The following AGO1 variants were observed in gnomAD, a reference collection of about 807,000 sequenced individuals.
AGO1 encodes protein argonaute-1.
In AGO1, 11 loss-of-function variants were observed where a neutral mutation model predicts 109.2. The ratio of observed to expected loss-of-function variants is 0.10; its 90% CI spans 0.06 to 0.17. The LOEUF (loss-of-function observed/expected upper bound fraction) is 0.17. AGO1 is among the 10% of genes least tolerant of loss of function. The pLI, the probability that AGO1 is intolerant of heterozygous loss-of-function variation, is 1.00. For missense variants in AGO1, 574 were observed against 1,140.3 expected (o/e 0.50, Z 7.15); for synonymous variants, 422 against 418.6 (o/e 1.01, Z -0.10).
At chr1:35,915,598 C>T in intron 15 of AGO1, 56 bp downstream of exon 15, 1 of 1,515,382 alleles carries the variant, frequency 6.6e-7, no homozygotes, top group South Asian at 1.2e-5. Flanking sequence ...AAGCTAGGTG[C>T]TACTACCTTT....
chr1:35,896,366 A>G (rs1645319047), intron 8 of AGO1, among the ~76,000 whole-genome samples: 1 of 150,342 alleles, frequency 6.7e-6, no homozygotes, highest in East Asian at 2.0e-4. Flanking sequence ...GTACTAGACT[A>G]CCCTCTTTTT....
At chr1:35,906,402 G>T (rs2148718542) in intron 11 of AGO1, among the ~76,000 whole-genome samples, 1 of 152,242 alleles carries the variant, frequency 6.6e-6, no homozygotes, top group South Asian at 2.1e-4. Context: ...CCCTTTTCTG[G>T]GCTTCCTCGT....
In AGO1 at chr1:35,875,425, A is replaced by T. The variant is rs566110170; in HGVS notation, c.-201+5522A>T. Among the ~76,000 whole-genome samples the T allele has an allele frequency of 1.7e-3, 254 of 150,362 alleles. 3 individuals carry two copies. Among genetic ancestry groups the T allele is most frequent in the African/African-American group, 5.4e-3 (222 of 40,822 alleles). On this transcript the variant is annotated intron_variant, in intron 1 of 18. Coordinates refer to the AGO1 transcript ENST00000373206. ...GCATGGTTTACTGATTTATTTATTTATTTTTTGAGACAAAGTCTCGCTTTG... is the reference window on the plus strand; with the variant it reads ...GCATGGTTTACTGATTTATTTATTTTTTTTTTGAGACAAAGTCTCGCTTTG...
Position 35,907,130 on chromosome 1 carries a change from C to G in AGO1, c.1582+11C>G, listed in dbSNP as rs144060471. ...AGACGCCGGTGTATGGTACAGTTCT[C>G]TTGGGACAGTGATAATGGTGATAGG... is the stretch of plus-strand genomic sequence containing the variant. On this transcript the variant is annotated intron_variant, in intron 12 of 18. Coordinates refer to ENST00000373204, the MANE Select transcript of AGO1 (RefSeq NM_012199.5). 3.5e-5 allele frequency: 56 copies of G among 1,603,920 alleles called. No individual in the cohort carries two copies. In the East Asian group the frequency reaches 1.2e-3, roughly 35 times the overall value.
At chr1:35,896,758 T>G (rs181692555) in intron 8 of AGO1, among the ~76,000 whole-genome samples, 61 of 152,304 alleles carry the variant, frequency 4.0e-4, no homozygotes, top group African/African-American at 1.4e-3. Context: ...CTGAGGGAGT[T>G]AGGCTGAAGG....
chr1:35,888,789 A>G lies in AGO1; in HGVS notation c.209+179A>G, dbSNP rs1442937450. On this transcript the variant is annotated intron_variant, in intron 2 of 18. Transcript: ENST00000373204. This position sits in a 1 kb window ranked among gnomAD's most constrained non-coding sequence, Gnocchi z 4.1. ...AGTCCAATTGGACTTCGCTATTGGA[A>G]GATTATTAGTGGCTTTTGCCAGAGC... Among the ~76,000 whole-genome samples the G allele has an allele frequency of 6.6e-6, 1 of 152,264 alleles. No individual in the cohort carries two copies. The highest frequency in any genetic ancestry group is 2.4e-5 in the African/African-American group (1 of 41,478).
At chr1:35,909,696 T>A (rs1373383194) in intron 12 of AGO1, among the ~76,000 whole-genome samples, 1 of 152,228 alleles carries the variant, frequency 6.6e-6, no homozygotes, top group Non-Finnish European at 1.5e-5. Flanking sequence ...CTTGATACTT[T>A]GTTGTGGAGT....
chr1:35,906,532 G>C (rs1645522479), intron 11 of AGO1, among the ~76,000 whole-genome samples: 2 of 152,112 alleles, frequency 1.3e-5, no homozygotes, highest in Non-Finnish European at 2.9e-5. Flanking sequence ...GTGTTAGCTG[G>C]GTGCGGTGGC....
chr1:35,915,530 C>T lies in AGO1; in HGVS notation c.2016C>T (p.Gly672=). ...TCTACCGAGATGGGGTGCCTGAAGG[C>T]CAGCTACCCCAGGTAGGGCCCACAG... ...IIFYRDGVPE[G]QLPQILHYEL... Residue 672 remains glycine (G), a synonymous_variant, in exon 15 of 19, where the codon GGC becomes GGT. Transcript: ENST00000373204. The T allele has an allele frequency of 6.2e-7, 1 of 1,613,824 alleles. No individual in the cohort carries two copies. Among genetic ancestry groups the T allele is most frequent in the East Asian group, 2.2e-5 (1 of 44,884 alleles).
Position 35,893,919 on chromosome 1 carries a change from C to A in AGO1, c.649+109C>A. ...ACACTCCTAGTCTAATTCCTACAGC[C>A]CTGGCACCCCCTTCCCCCATCCCAA... On this transcript the variant is annotated intron_variant, in intron 5 of 18. Coordinates refer to ENST00000373204, the MANE Select transcript of AGO1 (RefSeq NM_012199.5). The surrounding 1 kb of genome is among the most constrained non-coding windows in gnomAD (Gnocchi z 5.6). The A allele has an allele frequency of 6.5e-7, 1 of 1,527,278 alleles. No individual in the cohort carries two copies. Among genetic ancestry groups the A allele is most frequent in the South Asian group, 1.3e-5 (1 of 79,316 alleles). 94.6% of individuals were successfully genotyped at this position (1,527,278 alleles called of 1,614,324 possible). A position where few individuals can be genotyped will look rare whatever the true frequency, so the allele number is the denominator to read the frequency against.
At chr1:35,872,209 G>A (rs1397174044) in intron 1 of AGO1, among the ~76,000 whole-genome samples, 5 of 141,522 alleles carry the variant, frequency 3.5e-5, no homozygotes, top group African/African-American at 1.0e-4. Context: ...TTTTTGAGAC[G>A]GAGTCTCGCT....
chr1:35,907,254 T>C (rs979973744), intron 12 of AGO1, 135 bp downstream of exon 12: 5 of 741,070 alleles, frequency 6.7e-6, no homozygotes, highest in Admixed American at 3.3e-5. Flanking sequence ...GCTCCTCTTA[T>C]AGGAGAAATA....
At chr1:35,918,542 GTTTGTTCTGT>G in intron 17 of AGO1, 119 bp downstream of exon 17, 1 of 908,184 alleles carries the variant, frequency 1.1e-6, no homozygotes, top group Non-Finnish European at 1.8e-6. Flanking sequence ...TCTCTTTTCT[GTTTGTTCTGT>G]TTTGTTTTGT....
Position 35,921,283 on chromosome 1 carries a change from CTTTTTTTTT to C in AGO1, c.*1688_*1696del, listed in dbSNP as rs34158936. On this transcript the variant is annotated 3_prime_UTR_variant, in exon 19 of 19. Transcript: ENST00000373204. Reference sequence around the variant, plus strand: ...AGGGCATGTGGGTGGGTGGCATGGACTTTTTTTTTTTTTTTTTTTTGTCTTGAGACATGG... The same window carrying C: ...AGGGCATGTGGGTGGGTGGCATGGACTTTTTTTTTTTGTCTTGAGACATGG... The C allele has an allele frequency of 1.5e-4, 17 of 113,860 alleles. No individual in the cohort carries two copies. Among genetic ancestry groups the C allele is most frequent in the East Asian group, 8.3e-4 (3 of 3,600 alleles). The allele number at this position is 113,860 out of a possible 1,614,324, so 7.1% of individuals were successfully genotyped here. A position where few individuals can be genotyped will look rare whatever the true frequency, so the allele number is the denominator to read the frequency against.
chr1:35,871,039 C>T (rs1644945607), intron 1 of AGO1, among the ~76,000 whole-genome samples: 2 of 152,156 alleles, frequency 1.3e-5, no homozygotes, highest in Admixed American at 6.5e-5. Context: ...CTGCTAAGAA[C>T]ATTCTTGTGC....
rs1553154069 is a variant in AGO1, at chr1:35,893,727, C to T, written c.566C>T (p.Pro189Leu). 2 of 1,614,010 alleles carry T rather than the reference C, an allele frequency of 1.2e-6. No individual in the cohort carries two copies. Among genetic ancestry groups the T allele is most frequent in the Non-Finnish European group, 1.7e-6 (2 of 1,179,958 alleles). The stretch of plus-strand genomic sequence containing the variant: ...TCACCGCCTGAGGGCTACTACCACC[C>T]GCTGGGGGGTGGGCGCGAGGTCTGG... Reference protein sequence around the residue: ...FFSPPEGYYHPLGGGREVWFG... With the variant: ...FFSPPEGYYHLLGGGREVWFG... Residue 189 changes from proline to leucine, a missense_variant, in exon 5 of 19, where the codon CCG becomes CTG. By Grantham distance (98) the Pro-to-Leu change is moderately conservative. This residue lies in a region of AGO1 where 129 missense variants were observed against 243.0 expected (regional missense o/e 0.53). Transcript: ENST00000373204. The surrounding 1 kb of genome is among the most constrained non-coding windows in gnomAD (Gnocchi z 5.6).
At position 35,919,351 on chromosome 1, in the gene AGO1, A is replaced by G; in HGVS notation, c.2465+97A>G. 2 of 1,484,164 alleles carry G rather than the reference A, an allele frequency of 1.3e-6. No homozygotes were observed. The highest frequency in any genetic ancestry group is 1.8e-6 in the Non-Finnish European group (2 of 1,090,632). 91.9% of individuals were successfully genotyped at this position (1,484,164 alleles called of 1,614,324 possible). ...GGTAGAAGGAAATGAGTGCTGTCCA[A>G]TTTGGTGTCATTGGGCTCGTCTGCC... On this transcript the variant is annotated intron_variant, in intron 18 of 18. Coordinates refer to ENST00000373204, the MANE Select transcript of AGO1 (RefSeq NM_012199.5). The surrounding 1 kb of genome is among the most constrained non-coding windows in gnomAD (Gnocchi z 6.6).
rs1368914800 is a variant in AGO1 at position 35,902,282 on chromosome 1, G to A, written c.1342G>A (p.Val448Ile). The change falls in exon 11 of 19, where the codon GTC becomes ATC. Residue 448 changes from valine to isoleucine, a missense_variant. By Grantham distance (29) the Val-to-Ile change is conservative. Transcript: ENST00000373204. ...GTTCTACAATGGGATTGAGATCAAA[G>A]TCTGGGCCATCGCCTGCTTCGCACC... ...KQFYNGIEIK[V>I]WAIACFAPQK... 6.2e-7 allele frequency: 1 copy of A among 1,614,222 alleles called. No individual in the cohort carries two copies. Among genetic ancestry groups the A allele is most frequent in the African/African-American group, 1.3e-5 (1 of 75,062 alleles).
intron 12 of AGO1, among the ~76,000 whole-genome samples, chr1:35,911,684 T>G (rs1458757306): frequency 1.3e-5 from 2 of 152,218 alleles, no homozygotes; most frequent in Non-Finnish European, 2.9e-5. Flanking sequence ...CTCAAATCTC[T>G]TCCATTGAAA....
Sources: gnomAD v4.1 joint callset for allele counts (sites outside exome capture counted in the v4.1 genomes callset) on GRCh38, gnomAD v4.1.1 for gene constraint, gnomAD v4.1.1 regional missense constraint, Gnocchi (gnomAD v3.1) non-coding constraint, MANE v1.5 for transcripts, NCBI Gene and HGNC (gene_info 2026-07-23, HGNC 2026-07-21) for gene names.